Variants in FMNL2 observed in about 807,000 individuals in gnomAD.
FMNL2 encodes the protein formin-like protein 2.
In FMNL2, 51 loss-of-function variants were observed where a neutral mutation model predicts 130.2. The observed-to-expected ratio is 0.39, with a 90% confidence interval of 0.31 to 0.49. The LOEUF (loss-of-function observed/expected upper bound fraction) is 0.49, where lower values mean the gene tolerates loss of function less well. Ranked by LOEUF, FMNL2 falls within the 20% of genes least tolerant of loss-of-function variation. The pLI, the probability that FMNL2 is intolerant of heterozygous loss-of-function variation, is 0.85. For synonymous variants in FMNL2, 465 were observed against 467.1 expected (o/e 1.00, Z 0.06); for missense variants, 977 against 1,316.2 (o/e 0.74, Z 3.99).
chr2:152,512,491 C>T (rs1230956734), intron 1 of FMNL2, among the ~76,000 whole-genome samples: 1 of 152,104 alleles, frequency 6.6e-6, no homozygotes, highest in Non-Finnish European at 1.5e-5. Flanking sequence ...ACCCTTTTGT[C>T]CTGTGGACAA....
At position 152,618,873 on chromosome 2, in the gene FMNL2, G is replaced by A. The variant is rs749177456; in HGVS notation, c.1342G>A (p.Val448Ile). The A allele has an allele frequency of 6.2e-7, 1 of 1,607,712 alleles. No homozygotes were observed. Among genetic ancestry groups the A allele is most frequent in the Non-Finnish European group, 8.5e-7 (1 of 1,177,730 alleles). Reference sequence around the variant, plus strand: ...AATCTACAAAGATGCAAATACTCAAGTTCACACATTAAGAAAAATGGTCAA... The same window carrying A: ...AATCTACAAAGATGCAAATACTCAAATTCACACATTAAGAAAAATGGTCAA... ...REIYKDANTQ[V>I]HTLRKMVKEK... The change falls in exon 14 of 26, where the codon GTT becomes ATT. Residue 448 changes from valine to isoleucine, a missense_variant. Transcript: ENST00000288670.
intron 1 of FMNL2, among the ~76,000 whole-genome samples, chr2:152,437,939 A>T (rs1687850542): frequency 6.6e-6 from 1 of 152,220 alleles, no homozygotes; most frequent in Non-Finnish European, 1.5e-5. Context: ...GGAGTGAGGA[A>T]AAAACAGAGC....
chr2:152,447,349 C>T (rs977783131), intron 1 of FMNL2, among the ~76,000 whole-genome samples: 1 of 152,160 alleles, frequency 6.6e-6, no homozygotes, highest in African/African-American at 2.4e-5. Flanking sequence ...GCCATCCTCC[C>T]ACCTTGGCTT....
At chr2:152,407,187 T>A (rs1686029138) in intron 1 of FMNL2, among the ~76,000 whole-genome samples, 1 of 68,650 alleles carries the variant, frequency 1.5e-5, no homozygotes, top group African/African-American at 4.8e-5. Flanking sequence ...TATTTTTCAC[T>A]TTCTGTTTTT....
chr2:152,462,598 A>G (rs1240208350), intron 1 of FMNL2, among the ~76,000 whole-genome samples: 1 of 152,256 alleles, frequency 6.6e-6, no homozygotes, highest in Non-Finnish European at 1.5e-5. Context: ...TAAGTTTGCT[A>G]GGAACAAGAA....
intron 2 of FMNL2, among the ~76,000 whole-genome samples, chr2:152,540,094 A>T (rs951835860): frequency 6.7e-4 from 102 of 152,086 alleles, no homozygotes; most frequent in African/African-American, 1.6e-3. Context: ...TCTCAAAAAA[A>T]TTTTTTTTGA....
At chr2:152,425,244 G>A (rs372211473) in intron 1 of FMNL2, among the ~76,000 whole-genome samples, 10 of 152,082 alleles carry the variant, frequency 6.6e-5, no homozygotes, top group Admixed American at 1.3e-4. Context: ...AGCTATAGAC[G>A]GGTCTATGAG....
intron 1 of FMNL2, among the ~76,000 whole-genome samples, chr2:152,391,827 A>T (rs1227106473): frequency 8.3e-6 from 1 of 120,362 alleles, no homozygotes; most frequent in South Asian, 3.0e-4. Context: ...TTCTTAATGA[A>T]ATAACGCTGG....
chr2:152,335,841 C>CTCCCGCT, intron 1 of FMNL2, 121 bp downstream of exon 1: 1 of 635,252 alleles, frequency 1.6e-6, no homozygotes, highest in Non-Finnish European at 2.5e-6. Flanking sequence ...GAGGGGGAGG[C>CTCCCGCT]TCCCGCTTTC....
intron 1 of FMNL2, among the ~76,000 whole-genome samples, chr2:152,502,521 T>TA (rs1691904131): frequency 6.6e-6 from 1 of 152,156 alleles, no homozygotes; most frequent in Non-Finnish European, 1.5e-5. Flanking sequence ...ACCATGTCTC[T>TA]ACTAAAAATA....
intron 1 of FMNL2, among the ~76,000 whole-genome samples, chr2:152,443,487 G>A (rs1688172918): frequency 6.6e-6 from 1 of 152,056 alleles, no homozygotes; most frequent in Non-Finnish European, 1.5e-5. Context: ...TGTTAGAGAG[G>A]GTCACAACAC....
At chr2:152,554,529 G>A (rs1167180275) in intron 4 of FMNL2, among the ~76,000 whole-genome samples, 1 of 152,168 alleles carries the variant, frequency 6.6e-6, no homozygotes, top group Non-Finnish European at 1.5e-5. Flanking sequence ...GTAAAATCAT[G>A]TTTCTCCACT....
chr2:152,407,667 A>C (rs1402700416), intron 1 of FMNL2, among the ~76,000 whole-genome samples: 1 of 152,116 alleles, frequency 6.6e-6, no homozygotes, highest in African/African-American at 2.4e-5. Context: ...CTGCTGCTGT[A>C]CCAAGCCCTC....
intron 1 of FMNL2, among the ~76,000 whole-genome samples, chr2:152,490,178 C>CA (rs958567845): frequency 2.0e-5 from 3 of 148,988 alleles, no homozygotes; most frequent in East Asian, 4.0e-4. Flanking sequence ...GGGAAACTTG[C>CA]AAAAAAAGGG....
At chr2:152,526,599 G>T (rs1693398169) in intron 2 of FMNL2, among the ~76,000 whole-genome samples, 1 of 151,964 alleles carries the variant, frequency 6.6e-6, no homozygotes, top group Non-Finnish European at 1.5e-5. Context: ...TACTTAATAT[G>T]TTAAATTGGT....
At chr2:152,358,539 T>C (rs1367697663) in intron 1 of FMNL2, among the ~76,000 whole-genome samples, 1 of 151,732 alleles carries the variant, frequency 6.6e-6, no homozygotes, top group Non-Finnish European at 1.5e-5. Flanking sequence ...TAGTCCCAGC[T>C]ACTTGGGAGG....
chr2:152,451,095 G>T (rs574423480), intron 1 of FMNL2, among the ~76,000 whole-genome samples: 35 of 152,156 alleles, frequency 2.3e-4, no homozygotes, highest in Non-Finnish European at 4.4e-4. Flanking sequence ...CTAAAATGCT[G>T]TGTCTTTCCC....
At position 152,502,906 on chromosome 2, in the gene FMNL2, T is replaced by C. The variant is rs528875319; in HGVS notation, c.118-19037T>C. Reference sequence around the variant, plus strand: ...AAGGAGAGGGTATGGAGGTTGGAGGTTGGAAGAGATTGTAAATGGTTGACC... The same window carrying C: ...AAGGAGAGGGTATGGAGGTTGGAGGCTGGAAGAGATTGTAAATGGTTGACC... On this transcript the variant is annotated intron_variant, in intron 1 of 25. Transcript: ENST00000288670. 7.3e-5 allele frequency among the ~76,000 whole-genome samples: 11 copies of C among 151,560 alleles called. No homozygotes were observed. In the South Asian group the frequency reaches 2.1e-3, roughly 29 times the overall value.
chr2:152,406,636 T>C (rs1685998548), intron 1 of FMNL2, among the ~76,000 whole-genome samples: 1 of 152,230 alleles, frequency 6.6e-6, no homozygotes, highest in Non-Finnish European at 1.5e-5. Flanking sequence ...GTACCTTTTA[T>C]CTGAGTTGAG....
Sources: gnomAD v4.1 joint callset for allele counts (sites outside exome capture counted in the v4.1 genomes callset) on GRCh38, gnomAD v4.1.1 for gene constraint, MANE v1.5 for transcripts, NCBI Gene and HGNC (gene_info 2026-07-23, HGNC 2026-07-21) for gene names.